The following CARD6 variants were observed in gnomAD, a reference collection of about 807,000 sequenced individuals.
CARD6 encodes caspase recruitment domain-containing protein 6.
In CARD6, 27 loss-of-function variants were observed where a neutral mutation model predicts 23.6. The observed-to-expected ratio is 1.14, with a 90% CI of 0.84 to 1.58. The LOEUF is 1.58. Among genes scored for constraint, CARD6 ranks in the 40% most tolerant of loss-of-function variants. CARD6 has a pLI of 0.00. For synonymous variants in CARD6, 397 were observed against 431.8 expected (o/e 0.92, Z 1.00); for missense variants, 1,214 against 1,209.9 (o/e 1.00, Z -0.05).
chr5:40,842,699 A>C (rs1745883067), intron 1 of CARD6, among the ~76,000 whole-genome samples: 1 of 152,088 alleles, frequency 6.6e-6, no homozygotes, highest in Non-Finnish European at 1.5e-5. Context: ...TGACATGTTG[A>C]CATGCAAGTT....
chr5:40,850,129 T>C (rs1746031521), intron 2 of CARD6, among the ~76,000 whole-genome samples: 1 of 151,692 alleles, frequency 6.6e-6, no homozygotes, highest in Non-Finnish European at 1.5e-5. Context: ...AAAGAACCAG[T>C]ATCGGCCAGG....
chr5:40,845,768 G>C (rs1165008735), intron 2 of CARD6, among the ~76,000 whole-genome samples: 1 of 151,918 alleles, frequency 6.6e-6, no homozygotes, highest in Non-Finnish European at 1.5e-5. Flanking sequence ...TACTGACTGG[G>C]TTTCACCACG....
rs764792309 is a variant in CARD6, at chr5:40,853,808, G to C, written c.2476G>C (p.Val826Leu). Residue 826 changes from valine to leucine, a missense_variant, in exon 3 of 3, where the codon GTA becomes CTA. By Grantham distance (32) the Val-to-Leu change is conservative. Coordinates refer to ENST00000254691, the MANE Select transcript of CARD6 (RefSeq NM_032587.4). ...GRLPRPICQHVQACPERPQMM... is the reference protein window; with the variant it reads ...GRLPRPICQHLQACPERPQMM... ...ACTGCCAAGACCCATTTGTCAGCAT[G>C]TACAGGCCTGCCCTGAGAGACCACA... 8 of 1,614,186 alleles carry C rather than the reference G, an allele frequency of 5.0e-6. No individual in the cohort carries two copies. The highest frequency in any genetic ancestry group is 5.9e-6 in the Non-Finnish European group (7 of 1,180,032).
At chr5:40,852,032 G>A (rs1746074512) in intron 2 of CARD6, 142 bp from the exon 3 acceptor site, 1 of 604,244 alleles carries the variant, frequency 1.7e-6, no homozygotes, top group Non-Finnish European at 3.0e-6. Flanking sequence ...GGCTAAGATG[G>A]TAGGATTGCT....
chr5:40,849,838 G>C (rs1256534034), intron 2 of CARD6, among the ~76,000 whole-genome samples: 16 of 151,960 alleles, frequency 1.1e-4, no homozygotes. Flanking sequence ...AAGTTAGGTG[G>C]GGTTGATGGT....
chr5:40,845,313 C>A (rs917177742), intron 2 of CARD6, among the ~76,000 whole-genome samples: 1 of 152,046 alleles, frequency 6.6e-6, no homozygotes, highest in Non-Finnish European at 1.5e-5. Context: ...AGTGTGCACC[C>A]CTTTGGCCAA....
chr5:40,852,914 G>T lies in CARD6; in HGVS notation c.1582G>T (p.Ala528Ser), dbSNP rs371236462. 1 of 1,614,126 alleles carries T rather than the reference G, an allele frequency of 6.2e-7. No homozygotes were observed. Among genetic ancestry groups the T allele is most frequent in the East Asian group, 2.2e-5 (1 of 44,878 alleles). Reference sequence around the variant, plus strand: ...AAACCCCTTTTTCCAAAAGCCTGTTGCTCTGGCTAATCTCCGTGGAAATCT... The same window carrying T: ...AAACCCCTTTTTCCAAAAGCCTGTTTCTCTGGCTAATCTCCGTGGAAATCT... ...KENPFFQKPVALANLRGNLES... is the reference protein window; with the variant it reads ...KENPFFQKPVSLANLRGNLES... Residue 528 changes from alanine to serine, a missense_variant, in exon 3 of 3, where the codon GCT becomes TCT. Ala to Ser is a moderately conservative substitution (Grantham distance 99). Transcript: ENST00000254691.
Position 40,853,200 on chromosome 5 carries a change from A to T in CARD6, c.1868A>T (p.Glu623Val). The T allele has an allele frequency of 6.2e-7, 1 of 1,614,166 alleles. No individual in the cohort carries two copies. The highest frequency in any genetic ancestry group is 1.1e-5 in the South Asian group (1 of 91,084). The change falls in exon 3 of 3, where the codon GAG becomes GTG. Residue 623 changes from glutamate to valine, a missense_variant. By Grantham distance (121) the Glu-to-Val change is moderately radical. Transcript: ENST00000254691. The part of the protein sequence containing the change: ...GDAGDRRKNM[E>V]GLQAALQEVM... The stretch of plus-strand genomic sequence containing the variant: ...GCTGGGGATAGAAGGAAGAACATGG[A>T]GGGCCTTCAAGCTGCCCTCCAGGAA...
intron 2 of CARD6, among the ~76,000 whole-genome samples, chr5:40,850,568 A>G (rs2112174684): frequency 6.6e-6 from 1 of 150,678 alleles, no homozygotes; most frequent in Admixed American, 6.6e-5. Context: ...AAAAAAAAAA[A>G]AAAATTAGCT....
intron 2 of CARD6, among the ~76,000 whole-genome samples, chr5:40,844,375 A>G (rs1745932065): frequency 6.6e-6 from 1 of 152,120 alleles, no homozygotes. Flanking sequence ...CTAGCATTAC[A>G]GGTGCCTGCC....
At position 40,853,592 on chromosome 5, in the gene CARD6, G is replaced by A; in HGVS notation, c.2260G>A (p.Gly754Ser). 6.2e-7 allele frequency: 1 copy of A among 1,614,188 alleles called. No homozygotes were observed. The change falls in exon 3 of 3, where the codon GGC becomes AGC. Residue 754 changes from glycine to serine, a missense_variant. Transcript: ENST00000254691. ...TTCCTTGAAAGCCTCCTGGGTTATG[G>A]GCCGCCCCTTTGGGTCAGAGCAGAG... Reference protein sequence around the residue: ...HVSLKASWVMGRPFGSEQRPK... With the variant: ...HVSLKASWVMSRPFGSEQRPK...
rs35188876 is a variant in CARD6 at position 40,843,633 on chromosome 5, C to A, written c.765C>A (p.Phe255Leu). Residue 255 changes from phenylalanine (F) to leucine (L), a missense_variant, in exon 2 of 3, where the codon TTC becomes TTA. By Grantham distance (22) the Phe-to-Leu change is conservative. Transcript: ENST00000254691. ...TCGAGAATTCAGAAACCACAGAGTT[C>A]TCTGGTGAAGAACCAAGTTATGAGG... ...EDFENSETTE[F>L]SGEEPSYEGS... 28,398 of 1,593,062 alleles carry A rather than the reference C, an allele frequency of 0.018. 318 individuals carry two copies. Among genetic ancestry groups the A allele is most frequent in the Non-Finnish European group, 0.021 (24,316 of 1,173,840 alleles).
At chr5:40,850,181 G>A (rs62357603) in intron 2 of CARD6, among the ~76,000 whole-genome samples, 27,191 of 151,880 alleles carry the variant, frequency 0.18, 2,774 homozygotes, top group East Asian at 0.32. Context: ...TTGGGAGGCC[G>A]AGGCAGGCGC....
Position 40,843,444 on chromosome 5 carries a change from A to G in CARD6, c.576A>G (p.Thr192=), listed in dbSNP as rs141208150. 1.4e-5 allele frequency: 23 copies of G among 1,613,796 alleles called. No individual in the cohort carries two copies. The highest frequency in any genetic ancestry group is 6.7e-5 in the African/African-American group (5 of 74,926). ...GATGTGAAGTTCCAGCAACTATTAC[A>G]TATATAAAAGATGGACAGAGATATG... ...KVGCEVPATI[T]YIKDGQRYEE... Residue 192 remains threonine, a synonymous_variant, in exon 2 of 3, where the codon ACA becomes ACG. Coordinates refer to ENST00000254691, the MANE Select transcript of CARD6 (RefSeq NM_032587.4).
Position 40,852,814 on chromosome 5 carries a change from G to A in CARD6, c.1482G>A (p.Leu494=), listed in dbSNP as rs375659902. 8.0e-4 allele frequency: 1,299 copies of A among 1,614,086 alleles called. 22 individuals carry two copies. The South Asian group carries it at 0.012, about 15-fold the overall frequency. Reference sequence around the variant, plus strand: ...TTCTTCATCAAGATTTGCCTCTTTTGGTGCTTCCCCGGCAAATCTCTGATG... The same window carrying A: ...TTCTTCATCAAGATTTGCCTCTTTTAGTGCTTCCCCGGCAAATCTCTGATG... ...KIFLHQDLPL[L]VLPRQISDGL... is the part of the protein sequence containing the mutation. The change falls in exon 3 of 3, where the codon TTG becomes TTA. Residue 494 remains leucine, a synonymous_variant. Transcript: ENST00000254691.
chr5:40,853,756 A>G lies in CARD6; in HGVS notation c.2424A>G (p.Gly808=). Residue 808 remains glycine, a synonymous_variant, in exon 3 of 3, where the codon GGA becomes GGG. Transcript: ENST00000254691. ...TGAAATTTTCCAGAGTTGCTCGGGG[A>G]TGTCACTCGAATGGAACATTTGGGA... ...RFMKFSRVAR[G]CHSNGTFGRL... is the part of the protein sequence containing the mutation. 1 of 1,614,150 alleles carries G rather than the reference A, an allele frequency of 6.2e-7. No individual in the cohort carries two copies. Among genetic ancestry groups the G allele is most frequent in the Non-Finnish European group, 8.5e-7 (1 of 1,180,042 alleles).
intron 2 of CARD6, among the ~76,000 whole-genome samples, chr5:40,843,928 A>C (rs989312904): frequency 1.4e-4 from 22 of 152,204 alleles, no homozygotes; most frequent in African/African-American, 5.1e-4. Context: ...CATAAGCAAA[A>C]GTAAATATTG....
At position 40,849,598 on chromosome 5, in the gene CARD6, A is replaced by G. The variant is rs111728491; in HGVS notation, c.842-2576A>G. On this transcript the variant is annotated intron_variant, in intron 2 of 2. Coordinates refer to ENST00000254691, the MANE Select transcript of CARD6 (RefSeq NM_032587.4). ...AAGCTATTTTTAAGGGTAATTTTAC[A>G]TTTTTACACTAGCTGGCCGTCTGTC... 6.5e-3 allele frequency among the ~76,000 whole-genome samples: 984 copies of G among 152,210 alleles called. 7 individuals are homozygous for G. The highest frequency in any genetic ancestry group is 0.022 in the African/African-American group (923 of 41,532).
chr5:40,843,777 A>G (rs1745920291), intron 2 of CARD6, 68 bp downstream of exon 2: 4 of 1,046,234 alleles, frequency 3.8e-6, no homozygotes, highest in Non-Finnish European at 5.4e-6. Context: ...CCATGACATA[A>G]TGGGGATGGG....
Sources: allele counts gnomAD v4.1 joint callset (sites outside exome capture counted in the v4.1 genomes callset), GRCh38; gene constraint gnomAD v4.1.1; transcripts MANE v1.5; gene names NCBI Gene and HGNC (gene_info 2026-07-23, HGNC 2026-07-21).